SH3GLB2: variants seen among roughly 807,000 people sequenced by gnomAD.
The protein encoded by SH3GLB2 is SH3 domain containing GRB2 like, endophilin B2, also known as endophilin-B2.
In SH3GLB2, 24 loss-of-function variants were observed where a neutral mutation model predicts 48.0. The observed-to-expected ratio is 0.50, with a 90% CI of 0.36 to 0.70. The LOEUF (loss-of-function observed/expected upper bound fraction) is 0.70, where lower values mean the gene tolerates loss of function less well. Among genes scored for constraint, SH3GLB2 ranks in the 30% least tolerant of loss-of-function variants. The probability of loss-of-function intolerance (pLI) is 0.00; values close to 1 mark genes in which losing one functional copy is unlikely to be tolerated. For synonymous variants in SH3GLB2, 227 were observed against 207.6 expected (o/e 1.09, Z -0.80); for missense variants, 425 against 516.0 (o/e 0.82, Z 1.71).
intron 3 of SH3GLB2, among the ~76,000 whole-genome samples, chr9:129,016,951 CTTTTTTT>C (rs766780203): frequency 1.5e-4 from 17 of 112,406 alleles, no homozygotes; most frequent in South Asian, 3.0e-4. Context: ...ATACTCTGCT[CTTTTTTT>C]TTTTTTTTTT....
chr9:129,017,447 A>G (rs1361567596), intron 3 of SH3GLB2, among the ~76,000 whole-genome samples: 1 of 152,180 alleles, frequency 6.6e-6, no homozygotes, highest in African/African-American at 2.4e-5. Flanking sequence ...ACAAGTCTCA[A>G]TAAATTTAAA....
chr9:129,021,060 C>A (rs760157591), intron 3 of SH3GLB2, 31 bp downstream of exon 3: 11 of 1,542,882 alleles, frequency 7.1e-6, no homozygotes, highest in Non-Finnish European at 9.6e-6. Context: ...AAGACCATGA[C>A]CCCTAGTCCC....
intron 3 of SH3GLB2, among the ~76,000 whole-genome samples, chr9:129,016,951 C>CTTTTT (rs766780203): frequency 8.9e-6 from 1 of 112,400 alleles, no homozygotes; most frequent in Non-Finnish European, 1.8e-5. Context: ...ATACTCTGCT[C>CTTTTT]TTTTTTTTTT....
intron 7 of SH3GLB2, 29 bp from the exon 8 acceptor site, chr9:129,010,238 CCA>C (rs773774339): frequency 6.3e-7 from 1 of 1,584,886 alleles, no homozygotes; most frequent in South Asian, 1.1e-5. Context: ...CCATGAGCAC[CCA>C]CACACCACCC....
chr9:129,027,053 A>T (rs978126997), intron 1 of SH3GLB2, among the ~76,000 whole-genome samples: 2 of 152,070 alleles, frequency 1.3e-5, no homozygotes, highest in African/African-American at 4.8e-5. Context: ...AACGACAAAG[A>T]CAAGACTACA....
intron 5 of SH3GLB2, chr9:129,012,598 C>T (rs1843189797): frequency 4.7e-6 from 2 of 424,022 alleles, no homozygotes; most frequent in Non-Finnish European, 8.3e-6. Context: ...TGGGCTCTCC[C>T]CTGCCAGGGG....
intron 3 of SH3GLB2, 107 bp from the exon 4 acceptor site, chr9:129,015,011 T>G: frequency 7.0e-7 from 1 of 1,438,798 alleles, no homozygotes; most frequent in Non-Finnish European, 9.4e-7. Context: ...GCCGGGGTGC[T>G]CAGTGCAGAA....
At position 129,021,206 on chromosome 9, in the gene SH3GLB2, C is replaced by T. The variant is rs1437007181; in HGVS notation, c.219G>A (p.Glu73=). 1.2e-6 allele frequency: 2 copies of T among 1,608,102 alleles called. No homozygotes were observed. Among genetic ancestry groups the T allele is most frequent in the Non-Finnish European group, 1.7e-6 (2 of 1,178,128 alleles). The change falls in exon 3 of 11, where the codon GAG becomes GAA. Residue 73 remains glutamate (E), a synonymous_variant. Transcript: ENST00000372564. ...LLQPNPSARV[E]EFLYEKLDRK... ...TGTCCAGCTTCTCATACAGGAACTC[C>T]TCCACTCGGGCACCTGTGGGGAGAC...
At chr9:129,012,752 C>T (rs2131245431) in intron 5 of SH3GLB2, 1 of 567,606 alleles carries the variant, frequency 1.8e-6, no homozygotes, top group South Asian at 2.4e-5. Context: ...CCAGGCCCCT[C>T]CCGACAATGA....
At chr9:129,012,320 GT>G in intron 5 of SH3GLB2, 22 bp from the exon 6 acceptor site, 1 of 1,282,398 alleles carries the variant, frequency 7.8e-7, no homozygotes, top group Non-Finnish European at 9.9e-7. Context: ...CAGAGTTCAT[GT>G]GGGGAGGGGG....
chr9:129,016,877 A>G (rs562048205), intron 3 of SH3GLB2, among the ~76,000 whole-genome samples: 14 of 152,074 alleles, frequency 9.2e-5, no homozygotes, highest in Non-Finnish European at 1.8e-4. Context: ...GTTCCAAAAT[A>G]CATAAGGCAA....
chr9:129,024,256 CAAAAA>C (rs1169096733), intron 1 of SH3GLB2, among the ~76,000 whole-genome samples: 3 of 54,520 alleles, frequency 5.5e-5, no homozygotes, highest in African/African-American at 2.3e-4. Context: ...CTCCTCTCTA[CAAAAA>C]AAAAAAAAAA....
chr9:129,026,443 G>C (rs1844166005), intron 1 of SH3GLB2, among the ~76,000 whole-genome samples: 1 of 152,242 alleles, frequency 6.6e-6, no homozygotes, highest in African/African-American at 2.4e-5. Context: ...CCAAGAGGAA[G>C]GGGTTTGGTG....
At chr9:129,018,447 G>C (rs1428301025) in intron 3 of SH3GLB2, among the ~76,000 whole-genome samples, 2 of 151,184 alleles carry the variant, frequency 1.3e-5, no homozygotes, top group East Asian at 1.9e-4. Context: ...CATGGTGGCG[G>C]GTGCCTGTAA....
chr9:129,017,936 T>C (rs1423484615), intron 3 of SH3GLB2, among the ~76,000 whole-genome samples: 1 of 142,710 alleles, frequency 7.0e-6, no homozygotes, highest in African/African-American at 2.7e-5. Flanking sequence ...CTGGGTGTGA[T>C]TATAGGTGCG....
chr9:129,014,288 A>C lies in SH3GLB2; in HGVS notation c.561+123T>G. On this transcript the variant is annotated intron_variant, in intron 5 of 10. Coordinates refer to ENST00000372564, the MANE Select transcript of SH3GLB2 (RefSeq NM_020145.4). This position sits in a 1 kb window ranked among gnomAD's most constrained non-coding sequence, Gnocchi z 4.1. ...AGGCTCAGCCCAGCAGCCCCCAGCCAGGCATCTCCAGCCAGGGAGAGGGGA... is the reference window on the plus strand; with the variant it reads ...AGGCTCAGCCCAGCAGCCCCCAGCCCGGCATCTCCAGCCAGGGAGAGGGGA... 1.1e-6 allele frequency: 1 copy of C among 897,688 alleles called. No individual in the cohort carries two copies. The highest frequency in any genetic ancestry group is 1.6e-5 in the South Asian group (1 of 64,094). 55.6% of individuals were successfully genotyped at this position (897,688 alleles called of 1,614,324 possible). A position where few individuals can be genotyped will look rare whatever the true frequency, so the allele number is the denominator to read the frequency against.
intron 2 of SH3GLB2, 100 bp from the exon 3 acceptor site, chr9:129,021,319 G>A (rs1434274573): frequency 1.4e-6 from 2 of 1,401,622 alleles, no homozygotes; most frequent in Non-Finnish European, 1.9e-6. Flanking sequence ...AGGTGCACCT[G>A]GCCTGCTGAC....
At chr9:129,016,951 C>CTTTTTT (rs766780203) in intron 3 of SH3GLB2, among the ~76,000 whole-genome samples, 2 of 112,422 alleles carry the variant, frequency 1.8e-5, no homozygotes, top group Non-Finnish European at 3.7e-5. Context: ...ATACTCTGCT[C>CTTTTTT]TTTTTTTTTT....
chr9:129,013,281 AC>A, intron 5 of SH3GLB2: 1 of 518,324 alleles, frequency 1.9e-6, no homozygotes, highest in Non-Finnish European at 3.5e-6. Context: ...GCCTGGCCCA[AC>A]CCCAGGATGT....
Sources: gnomAD v4.1 joint callset for allele counts (sites outside exome capture counted in the v4.1 genomes callset) on GRCh38, gnomAD v4.1.1 for gene constraint, Gnocchi (gnomAD v3.1) non-coding constraint, MANE v1.5 for transcripts, NCBI Gene and HGNC (gene_info 2026-07-23, HGNC 2026-07-21) for gene names.